Variants in WNT10B observed in about 807,000 individuals in gnomAD.
The protein encoded by WNT10B is protein Wnt-10b.
In WNT10B, 26 loss-of-function variants were observed where a neutral mutation model predicts 32.7. The observed-to-expected ratio is 0.79, with a 90% CI of 0.58 to 1.10. The LOEUF is 1.10. WNT10B is among the 50% of genes least tolerant of loss of function. The pLI is 0.00. For missense variants in WNT10B, 474 were observed against 532.5 expected, an observed-to-expected ratio of 0.89 and a Z score of 1.08; for synonymous variants, 204 against 220.4, an observed-to-expected ratio of 0.93 and a Z score of 0.66.
In WNT10B at chr12:48,966,253, T is replaced by C; in HGVS notation, c.1012A>G (p.Ser338Gly). The change falls in exon 5 of 5, where the codon AGC becomes GGC. Residue 338 changes from serine to glycine, a missense_variant. Coordinates refer to ENST00000301061, the MANE Select transcript of WNT10B (RefSeq NM_003394.4). ...CTGCCACAGCCATCCAACAGGCGGC[T>C]GGTCTTGTTGCAGGCCCGGCCCCTT... Reference protein sequence around the residue: ...GTRGRACNKTSRLLDGCGSLC... With the variant: ...GTRGRACNKTGRLLDGCGSLC... 6.2e-7 allele frequency: 1 copy of C among 1,614,216 alleles called. No homozygotes were observed.
At chr12:48,967,817 G>T in intron 4 of WNT10B, 129 bp downstream of exon 4, 1 of 1,287,278 alleles carries the variant, frequency 7.8e-7, no homozygotes, top group Non-Finnish European at 1.1e-6. Context: ...ACAAAACTGA[G>T]GCTGGGTGAC....
chr12:48,969,338 C>T (rs1313155139), intron 3 of WNT10B, among the ~76,000 whole-genome samples: 2 of 152,184 alleles, frequency 1.3e-5, no homozygotes, highest in Non-Finnish European at 2.9e-5. Flanking sequence ...TTGGGAATTC[C>T]CCTGCAGATG....
intron 3 of WNT10B, among the ~76,000 whole-genome samples, chr12:48,969,544 G>GGA (rs144074680): frequency 0.023 from 3,524 of 152,218 alleles, 135 homozygotes; most frequent in African/African-American, 0.079. Flanking sequence ...AGCAACACCT[G>GGA]GAGCCCCCAC....
Position 48,971,556 on chromosome 12 carries a change from C to T in WNT10B, c.-142G>A, listed in dbSNP as rs1947267619. 6.6e-6 allele frequency: 1 copy of T among 152,306 alleles called. No homozygotes were observed. The highest frequency in any genetic ancestry group is 2.4e-5 in the African/African-American group (1 of 41,410). 9.4% of individuals were successfully genotyped at this position (152,306 alleles called of 1,614,324 possible). ...GGGGAGACTGCGCTGGGTTCTGTCC[C>T]CTTGTCAGAGCCGCATTCTTCCAGG... On this transcript the variant is annotated 5_prime_UTR_variant, in exon 1 of 5. Transcript: ENST00000301061.
chr12:48,969,588 A>G (rs1940807999), intron 3 of WNT10B, among the ~76,000 whole-genome samples: 1 of 152,114 alleles, frequency 6.6e-6, no homozygotes, highest in South Asian at 2.1e-4. Context: ...CCCAGCTTCA[A>G]AGTCATCAGG....
At position 48,970,369 on chromosome 12, in the gene WNT10B, G is replaced by C; in HGVS notation, c.75-18C>G. On this transcript the variant is annotated intron_variant, in intron 2 of 4. Transcript: ENST00000301061. This position sits in a 1 kb window ranked among gnomAD's most constrained non-coding sequence, Gnocchi z 5.0. ...TTAGAGCCCTGGGAACCAAGAAGGC[G>C]TCTGGGGTCTGCGGTCCAGACCCCT... The C allele has an allele frequency of 1.9e-6, 3 of 1,614,128 alleles. No individual in the cohort carries two copies. Among genetic ancestry groups the C allele is most frequent in the Non-Finnish European group, 2.5e-6 (3 of 1,179,978 alleles).
rs565899474 is a variant in WNT10B at position 48,966,702 on chromosome 12, G to A, written c.712-149C>T. On this transcript the variant is annotated intron_variant, in intron 4 of 4. Transcript: ENST00000301061. ...ATATCAGAACAGAAAGGACATTGCA[G>A]TTAGCTAATAGCCAACTTCCTCATT... The A allele has an allele frequency of 2.7e-5, 25 of 910,388 alleles. No homozygotes were observed. In the African/African-American group the frequency reaches 3.4e-4, roughly 13 times the overall value. 56.4% of individuals were successfully genotyped at this position (910,388 alleles called of 1,614,324 possible). A position where few individuals can be genotyped will look rare whatever the true frequency, so the allele number is the denominator to read the frequency against.
intron 3 of WNT10B, chr12:48,969,165 C>A (rs938661678): frequency 1.9e-5 from 9 of 469,894 alleles, no homozygotes; most frequent in Non-Finnish European, 3.1e-5. Context: ...GGAGGGGGAC[C>A]CTCACTTCAT....
At chr12:48,968,944 G>A (rs1229530857) in intron 3 of WNT10B, among the ~76,000 whole-genome samples, 4 of 152,084 alleles carry the variant, frequency 2.6e-5, no homozygotes, top group Non-Finnish European at 5.9e-5. Context: ...CCCTTTTTAT[G>A]TTTATCCTAA....
At position 48,970,105 on chromosome 12, in the gene WNT10B, G is replaced by A; in HGVS notation, c.321C>T (p.Ser107=). 1 of 1,529,372 alleles carries A rather than the reference G, an allele frequency of 6.5e-7. No individual in the cohort carries two copies. 94.7% of individuals were successfully genotyped at this position (1,529,372 alleles called of 1,614,324 possible). A position where few individuals can be genotyped will look rare whatever the true frequency, so the allele number is the denominator to read the frequency against. The change falls in exon 3 of 5, where the codon AGC becomes AGT. Residue 107 remains serine, a synonymous_variant. Coordinates refer to ENST00000301061, the MANE Select transcript of WNT10B (RefSeq NM_003394.4). This position sits in a 1 kb window ranked among gnomAD's most constrained non-coding sequence, Gnocchi z 5.0. ...LEGGGRLPHH[S]AILKRGFRES... is the part of the protein sequence containing the mutation. ...CAGGCTCACCGCGCTTGAGGATGGC[G>A]CTGTGGTGCGGCAGGCGGCCGCCGC...
intron 3 of WNT10B, among the ~76,000 whole-genome samples, chr12:48,969,766 G>GA (rs1940811707): frequency 6.6e-6 from 1 of 151,412 alleles, no homozygotes; most frequent in Non-Finnish European, 1.5e-5. Flanking sequence ...GAATAGGGGG[G>GA]CGTTTGAAGC....
chr12:48,969,362 A>T (rs572831026), intron 3 of WNT10B, among the ~76,000 whole-genome samples: 7 of 152,102 alleles, frequency 4.6e-5, no homozygotes, highest in Admixed American at 3.3e-4. Flanking sequence ...GCTGCCTATT[A>T]ACCCCATAGT....
chr12:48,966,047 G>C lies in WNT10B; in HGVS notation c.*48C>G. 3 of 1,603,902 alleles carry C rather than the reference G, an allele frequency of 1.9e-6. No individual in the cohort carries two copies. Among genetic ancestry groups the C allele is most frequent in the Middle Eastern group, 1.7e-4 (1 of 6,048 alleles). ...AATCAGAGCAAAGGGCTGAAAAGGCGCCCCTCTCACACAGTCCTCTTCCCC... is the reference window on the plus strand; with the variant it reads ...AATCAGAGCAAAGGGCTGAAAAGGCCCCCCTCTCACACAGTCCTCTTCCCC... On this transcript the variant is annotated 3_prime_UTR_variant, in exon 5 of 5. Transcript: ENST00000301061.
chr12:48,968,826 C>A (rs1233081728), intron 3 of WNT10B, among the ~76,000 whole-genome samples: 4 of 150,834 alleles, frequency 2.7e-5, no homozygotes, highest in Non-Finnish European at 4.4e-5. Flanking sequence ...GTTAATCAGT[C>A]TTTTAACCAA....
At position 48,966,295 on chromosome 12, in the gene WNT10B, TAGTGGGGTCTCGCTCACAGA is replaced by T; in HGVS notation, c.950_969del (p.Phe317TyrfsTer39). 2 of 1,614,084 alleles carry T rather than the reference TAGTGGGGTCTCGCTCACAGA, an allele frequency of 1.2e-6. No homozygotes were observed. The highest frequency in any genetic ancestry group is 2.2e-5 in the South Asian group (2 of 91,082). ...CGGCCCCTTGTCCCTGGGGAGCCCA[TAGTGGGGTCTCGCTCACAGA>T]AGTCAGGAGACTTCTCAAAGTAGAC... On this transcript the variant is annotated frameshift_variant, in exon 5 of 5. Coordinates refer to ENST00000301061, the MANE Select transcript of WNT10B (RefSeq NM_003394.4). LOFTEE classifies it high-confidence loss of function.
rs775699954 is a variant in WNT10B at position 48,968,314 on chromosome 12, G to A, written c.343C>T (p.Arg115Ter). The change falls in exon 4 of 5, where the codon CGA (arginine) becomes TGA (stop). Residue 115 changes from arginine to a stop codon, truncating the protein, a stop_gained. Transcript: ENST00000301061. LOFTEE classifies it high-confidence loss of function. ...HHSAILKRGF[R>*]ESAFSFSMLA... is the part of the protein sequence containing the mutation. ...ATGGAGAAGGAAAAAGCACTTTCTC[G>A]GAAACCTGGGGATGAGAAGGGTGTG... The A allele has an allele frequency of 2.6e-5, 42 of 1,600,360 alleles. No homozygotes were observed. Among genetic ancestry groups the A allele is most frequent in the African/African-American group, 5.3e-5 (4 of 75,052 alleles).
chr12:48,969,956 C>CG lies in WNT10B; in HGVS notation c.337+132dup, dbSNP rs1232834871. 1.5e-3 allele frequency: 1,638 copies of CG among 1,123,916 alleles called. 4 individuals are homozygous for CG. Among genetic ancestry groups the CG allele is most frequent in the Middle Eastern group, 4.4e-3 (14 of 3,184 alleles). The allele number at this position is 1,123,916 out of a possible 1,614,324, so 69.6% of individuals were successfully genotyped here. On this transcript the variant is annotated intron_variant, in intron 3 of 4. Coordinates refer to ENST00000301061, the MANE Select transcript of WNT10B (RefSeq NM_003394.4). The stretch of plus-strand genomic sequence containing the variant: ...GGCCAGACCTGGCTCAGAGCGGCTC[C>CG]GGGGGGGGCGGGGAATTCCAGGAGA...
At chr12:48,968,401 C>G (rs1213565808) in intron 3 of WNT10B, 82 bp from the exon 4 acceptor site, 1 of 1,572,550 alleles carries the variant, frequency 6.4e-7, no homozygotes, top group Non-Finnish European at 8.6e-7. Context: ...TAAACAGCCC[C>G]CCTCCAACTC....
Position 48,968,081 on chromosome 12 carries a change from G to A in WNT10B, c.576C>T (p.Asp192=). 2 of 1,614,258 alleles carry A rather than the reference G, an allele frequency of 1.2e-6. No individual in the cohort carries two copies. Among genetic ancestry groups the A allele is most frequent in the South Asian group, 1.1e-5 (1 of 91,088 alleles). ...GGTTACAGCCACCCCATTCCCATGTGTCCTGGGGGCCAGGGCTGGGGCTTG... is the reference window on the plus strand; with the variant it reads ...GGTTACAGCCACCCCATTCCCATGTATCCTGGGGGCCAGGGCTGGGGCTTG... The part of the protein sequence containing the change: ...PGSSPSPGPQ[D]TWEWGGCNHD... The change falls in exon 4 of 5, where the codon GAC becomes GAT. Residue 192 remains aspartate, a synonymous_variant. Transcript: ENST00000301061.
Sources: allele counts gnomAD v4.1 joint callset (sites outside exome capture counted in the v4.1 genomes callset), GRCh38; gene constraint gnomAD v4.1.1; non-coding constraint Gnocchi (gnomAD v3.1); transcripts MANE v1.5; gene names NCBI Gene and HGNC (gene_info 2026-07-23, HGNC 2026-07-21).